ANO10: variants seen among roughly 807,000 people sequenced by gnomAD.
The protein encoded by ANO10 is anoctamin-10.
A neutral mutation model predicts 74.7 loss-of-function variants in ANO10; 77 were observed. That is an observed-to-expected ratio of 1.03 (90% CI 0.86 to 1.25). The LOEUF (loss-of-function observed/expected upper bound fraction) is 1.25, where lower values mean the gene tolerates loss of function less well. ANO10 is among the 50% of genes most tolerant of loss of function. The pLI is 0.00. For synonymous variants in ANO10, 279 were observed against 284.9 expected (o/e 0.98, Z 0.21); for missense variants, 721 against 778.1 (o/e 0.93, Z 0.87).
intron 1 of ANO10, among the ~76,000 whole-genome samples, chr3:43,619,851 C>G (rs574900448): frequency 2.2e-5 from 3 of 138,358 alleles, no homozygotes; most frequent in East Asian, 4.2e-4. Context: ...GTTTGGGCAA[C>G]AGAGTGAGAC....
chr3:43,659,917 C>A (rs937097371), intron 1 of ANO10, among the ~76,000 whole-genome samples: 3 of 152,182 alleles, frequency 2.0e-5, no homozygotes, highest in Admixed American at 1.3e-4. Context: ...GTTCTGCAGC[C>A]TCTGCTGGTG....
At chr3:43,400,274 G>A (rs1219823591) in intron 12 of ANO10, among the ~76,000 whole-genome samples, 1 of 151,544 alleles carries the variant, frequency 6.6e-6, no homozygotes, top group African/African-American at 2.4e-5. Context: ...ATAAGTGTTA[G>A]GGATGTCTGA....
At chr3:43,676,573 G>A (rs1214946173) in intron 1 of ANO10, among the ~76,000 whole-genome samples, 1 of 152,218 alleles carries the variant, frequency 6.6e-6, no homozygotes, top group Non-Finnish European at 1.5e-5. Context: ...GTGCAGGAGG[G>A]AAGTGGGTGT....
At chr3:43,520,863 G>A (rs895779189) in intron 11 of ANO10, among the ~76,000 whole-genome samples, 5 of 152,076 alleles carry the variant, frequency 3.3e-5, no homozygotes, top group African/African-American at 1.2e-4. Flanking sequence ...ATCAATTGGA[G>A]AAGTACTACC....
At chr3:43,484,927 C>T (rs571651442) in intron 11 of ANO10, 9 of 754,518 alleles carry the variant, frequency 1.2e-5, no homozygotes, top group South Asian at 3.4e-5. Flanking sequence ...TTCACCGGGG[C>T]GTTCCTGAGT....
At chr3:43,436,576 A>C (rs574539730) in intron 11 of ANO10, among the ~76,000 whole-genome samples, 122 of 152,174 alleles carry the variant, frequency 8.0e-4, no homozygotes, top group Non-Finnish European at 8.4e-4. Context: ...TTAAAAAGTG[A>C]TTATAGGGTG....
intron 11 of ANO10, among the ~76,000 whole-genome samples, chr3:43,525,680 CT>C (rs1467418406): frequency 3.9e-5 from 6 of 152,188 alleles, no homozygotes; most frequent in African/African-American, 1.4e-4. Flanking sequence ...TGTTTTGTCT[CT>C]CTTCTTTCCT....
chr3:43,434,546 T>G (rs1372328801), intron 11 of ANO10, among the ~76,000 whole-genome samples: 1 of 152,196 alleles, frequency 6.6e-6, no homozygotes, highest in Admixed American at 6.5e-5. Context: ...TGGGCTTAAG[T>G]TGCCAGAGCC....
At chr3:43,656,921 G>C in intron 1 of ANO10, among the ~76,000 whole-genome samples, 1 of 152,260 alleles carries the variant, frequency 6.6e-6, no homozygotes, top group Admixed American at 6.5e-5. Flanking sequence ...GCCAAAGTGG[G>C]AGCCCAGGCA....
intron 2 of ANO10, among the ~76,000 whole-genome samples, chr3:43,601,480 G>A (rs746351970): frequency 5.9e-5 from 9 of 152,212 alleles, no homozygotes; most frequent in Non-Finnish European, 1.2e-4. Context: ...ACAGGCATGA[G>A]CCACAGCGCC....
intron 4 of ANO10, among the ~76,000 whole-genome samples, chr3:43,590,599 A>T (rs1016310611): frequency 6.6e-6 from 1 of 152,228 alleles, no homozygotes; most frequent in Admixed American, 6.5e-5. Context: ...AAACGATCTA[A>T]GAGACAAATG....
chr3:43,378,316 C>T (rs1206969335), intron 12 of ANO10, among the ~76,000 whole-genome samples: 1 of 152,154 alleles, frequency 6.6e-6, no homozygotes, highest in African/African-American at 2.4e-5. Flanking sequence ...AAAGGAGGCA[C>T]CCAGGCATCA....
chr3:43,431,939 G>A (rs549652401), intron 12 of ANO10, among the ~76,000 whole-genome samples: 1 of 152,052 alleles, frequency 6.6e-6, no homozygotes, highest in Non-Finnish European at 1.5e-5. Context: ...GTGTCCAGGA[G>A]GTTCTGCCCA....
intron 1 of ANO10, among the ~76,000 whole-genome samples, chr3:43,675,509 C>T (rs983359026): frequency 5.3e-5 from 8 of 152,036 alleles, no homozygotes; most frequent in African/African-American, 1.9e-4. Flanking sequence ...CTGGTATCTA[C>T]AGAATATAAA....
In ANO10 at chr3:43,372,313, T is replaced by C. The variant is rs117048358; in HGVS notation, c.1915-5339A>G. 1.8e-3 allele frequency among the ~76,000 whole-genome samples: 278 copies of C among 152,294 alleles called. 5 individuals are homozygous for C. In the East Asian group the frequency reaches 0.047, roughly 26 times the overall value. On this transcript the variant is annotated intron_variant, in intron 12 of 12. Transcript: ENST00000292246. ...CTGCTCCTGCCTCCCTCCTCAAGGC[T>C]GTGCCCCTGCCTGCACTGAGACGGC...
intron 12 of ANO10, among the ~76,000 whole-genome samples, chr3:43,382,084 G>GT (rs1288631383): frequency 6.6e-6 from 1 of 152,230 alleles, no homozygotes; most frequent in Non-Finnish European, 1.5e-5. Flanking sequence ...TACAGCAAAG[G>GT]TGGTGCTAAG....
intron 8 of ANO10, among the ~76,000 whole-genome samples, chr3:43,565,195 T>C (rs1202989263): frequency 6.6e-6 from 1 of 152,196 alleles, no homozygotes; most frequent in Non-Finnish European, 1.5e-5. Flanking sequence ...GATCCAGAAA[T>C]GACAACACAC....
chr3:43,414,490 G>A (rs899143928), intron 12 of ANO10, among the ~76,000 whole-genome samples: 2 of 152,192 alleles, frequency 1.3e-5, no homozygotes, highest in African/African-American at 2.4e-5. Flanking sequence ...TCCAACAGGA[G>A]CCTCATAATT....
chr3:43,627,368 C>A (rs2083502543), intron 1 of ANO10, among the ~76,000 whole-genome samples: 1 of 152,262 alleles, frequency 6.6e-6, no homozygotes, highest in Non-Finnish European at 1.5e-5. Context: ...GCCAGTCTAC[C>A]AAGGAAGCTG....
Sources: allele counts gnomAD v4.1 joint callset (sites outside exome capture counted in the v4.1 genomes callset), GRCh38; gene constraint gnomAD v4.1.1; transcripts MANE v1.5; gene names NCBI Gene and HGNC (gene_info 2026-07-23, HGNC 2026-07-21).